Variants in SLC44A5 observed in about 807,000 individuals in gnomAD.
The protein encoded by SLC44A5 is choline transporter-like protein 5.
Under a neutral mutation model 101.8 loss-of-function variants are expected in SLC44A5, and 57 were observed. The observed-to-expected ratio is 0.56, with a 90% CI of 0.45 to 0.70. SLC44A5 has a LOEUF of 0.70. Ranked by LOEUF, SLC44A5 falls within the 30% of genes least tolerant of loss-of-function variation. SLC44A5 has a pLI of 0.00. For synonymous variants in SLC44A5, 281 were observed against 290.9 expected, an observed-to-expected ratio of 0.97 and a Z score of 0.35; for missense variants, 737 against 853.1, an observed-to-expected ratio of 0.86 and a Z score of 1.70.
intron 2 of SLC44A5, among the ~76,000 whole-genome samples, chr1:75,425,732 C>T (rs1183788219): frequency 6.6e-6 from 1 of 152,134 alleles, no homozygotes; most frequent in Non-Finnish European, 1.5e-5. Context: ...TTAGGTCCCC[C>T]TTGAACATGC....
intron 3 of SLC44A5, among the ~76,000 whole-genome samples, chr1:75,370,599 G>A (rs965609226): frequency 6.6e-6 from 1 of 152,188 alleles, no homozygotes; most frequent in African/African-American, 2.4e-5. Context: ...AATTCCTGGA[G>A]CATAAACCAG....
At chr1:75,552,470 G>A (rs1025360730) in intron 1 of SLC44A5, among the ~76,000 whole-genome samples, 1 of 14,282 alleles carries the variant, frequency 7.0e-5, no homozygotes, top group African/African-American at 3.4e-4. Context: ...AAAATATAAC[G>A]GCAAAAAAAT....
chr1:75,554,539 A>G (rs953944098), intron 1 of SLC44A5, among the ~76,000 whole-genome samples: 21 of 151,894 alleles, frequency 1.4e-4, no homozygotes, highest in African/African-American at 5.1e-4. Flanking sequence ...AGACAGAAGG[A>G]ACAATACATA....
intron 5 of SLC44A5, among the ~76,000 whole-genome samples, chr1:75,299,518 G>A (rs897507038): frequency 6.6e-6 from 1 of 152,146 alleles, no homozygotes; most frequent in Non-Finnish European, 1.5e-5. Flanking sequence ...TTGACTCCAT[G>A]CCATTAATTA....
intron 4 of SLC44A5, among the ~76,000 whole-genome samples, chr1:75,320,461 A>C (rs1244956023): frequency 6.6e-6 from 1 of 152,170 alleles, no homozygotes; most frequent in East Asian, 1.9e-4. Context: ...ATTTGCAAAA[A>C]AACCAAATGC....
intron 6 of SLC44A5, among the ~76,000 whole-genome samples, chr1:75,259,242 A>C (rs1650282784): frequency 1.3e-5 from 2 of 152,216 alleles, no homozygotes; most frequent in Admixed American, 1.3e-4. Flanking sequence ...GAGCTAAAGG[A>C]GCATGTTCTA....
chr1:75,234,724 A>G (rs1647913548), intron 11 of SLC44A5, among the ~76,000 whole-genome samples: 1 of 151,992 alleles, frequency 6.6e-6, no homozygotes, highest in South Asian at 2.1e-4. Flanking sequence ...GAATCATGAT[A>G]AGGCTTCTGT....
chr1:75,437,541 T>A (rs945895048), intron 2 of SLC44A5, among the ~76,000 whole-genome samples: 8 of 152,128 alleles, frequency 5.3e-5, no homozygotes, highest in Admixed American at 2.6e-4. Context: ...CTGTATTTAG[T>A]CTTTAACAGT....
intron 2 of SLC44A5, among the ~76,000 whole-genome samples, chr1:75,443,758 T>A (rs1665341948): frequency 6.6e-6 from 1 of 151,796 alleles, no homozygotes; most frequent in African/African-American, 2.4e-5. Flanking sequence ...ACAAAATTAC[T>A]GTTTATTAAA....
At chr1:75,330,967 T>C (rs1640550656) in intron 4 of SLC44A5, among the ~76,000 whole-genome samples, 1 of 48,510 alleles carries the variant, frequency 2.1e-5, no homozygotes, top group East Asian at 5.1e-3. Flanking sequence ...ACTTTCTCTC[T>C]TTTTTTTTTT....
chr1:75,549,902 C>T (rs1049017062), intron 1 of SLC44A5, among the ~76,000 whole-genome samples: 29 of 151,754 alleles, frequency 1.9e-4, no homozygotes, highest in African/African-American at 7.0e-4. Flanking sequence ...ATCAGTATGG[C>T]TGGAATATAT....
intron 3 of SLC44A5, among the ~76,000 whole-genome samples, chr1:75,348,263 T>A (rs1348403307): frequency 2.0e-5 from 3 of 151,852 alleles, no homozygotes; most frequent in Non-Finnish European, 4.4e-5. Flanking sequence ...TGGAAAAATA[T>A]CAGGCCAAAA....
chr1:75,716,291 C>G, the SLC44A5 span, among the ~76,000 whole-genome samples: 12 of 152,024 alleles, frequency 7.9e-5, no homozygotes, highest in Non-Finnish European at 1.6e-4. Context: ...CCAGCCTGGG[C>G]AACATAAAGA....
intron 2 of SLC44A5, among the ~76,000 whole-genome samples, chr1:75,486,625 A>AT (rs1193448504): frequency 1.3e-5 from 2 of 152,222 alleles, no homozygotes; most frequent in African/African-American, 2.4e-5. Flanking sequence ...TTTGGGATAA[A>AT]TGTTTCCCTT....
At chr1:75,482,568 A>C (rs757949148) in intron 2 of SLC44A5, among the ~76,000 whole-genome samples, 1 of 152,152 alleles carries the variant, frequency 6.6e-6, no homozygotes, top group African/African-American at 2.4e-5. Flanking sequence ...CTGATGTTTC[A>C]GTTTCCTTGT....
chr1:75,470,414 C>G (rs1375635462), intron 2 of SLC44A5, among the ~76,000 whole-genome samples: 1 of 152,152 alleles, frequency 6.6e-6, no homozygotes, highest in Non-Finnish European at 1.5e-5. Context: ...AATCCTTCCA[C>G]AAAAGGTAGT....
intron 2 of SLC44A5, among the ~76,000 whole-genome samples, chr1:75,413,367 T>C (rs1055737488): frequency 6.6e-6 from 1 of 152,134 alleles, no homozygotes; most frequent in Non-Finnish European, 1.5e-5. Flanking sequence ...TGTCTTCTTC[T>C]TCCTCTCTTA....
intron 4 of SLC44A5, among the ~76,000 whole-genome samples, chr1:75,330,589 T>C (rs947185511): frequency 6.6e-6 from 1 of 152,170 alleles, no homozygotes. Context: ...TCTTGTGTCA[T>C]CAGTGGCCTT....
intron 2 of SLC44A5, among the ~76,000 whole-genome samples, chr1:75,536,326 G>A (rs1036687203): frequency 2.0e-5 from 3 of 151,868 alleles, no homozygotes; most frequent in Admixed American, 6.6e-5. Context: ...CCGGCCAGAC[G>A]CGGTGGCTCA....
Sources: gnomAD v4.1 joint callset for allele counts (sites outside exome capture counted in the v4.1 genomes callset) on GRCh38, gnomAD v4.1.1 for gene constraint, MANE v1.5 for transcripts, NCBI Gene and HGNC (gene_info 2026-07-23, HGNC 2026-07-21) for gene names.